SMOC2: variants seen among roughly 807,000 people sequenced by gnomAD.
SMOC2 encodes SPARC-related modular calcium-binding protein 2.
A neutral mutation model predicts 61.4 loss-of-function variants in SMOC2; 39 were observed. That is an observed-to-expected ratio of 0.64 (90% CI 0.49 to 0.83). SMOC2 has a LOEUF of 0.83. Ranked by LOEUF, SMOC2 falls within the 40% of genes least tolerant of loss-of-function variation. The pLI is 0.00. For synonymous variants in SMOC2, 247 were observed against 239.9 expected, an observed-to-expected ratio of 1.03 and a Z score of -0.27; for missense variants, 556 against 592.9, an observed-to-expected ratio of 0.94 and a Z score of 0.65.
chr6:168,636,892 A>ACCTCCCTCCTCCCT (rs1786745973), intron 9 of SMOC2, among the ~76,000 whole-genome samples: 1 of 23,620 alleles, frequency 4.2e-5, no homozygotes, highest in African/African-American at 2.4e-4. Flanking sequence ...CCCTCCTCCC[A>ACCTCCCTCCTCCCT]CCTCCCTCCT....
chr6:168,623,469 C>T (rs1786298847), intron 9 of SMOC2, among the ~76,000 whole-genome samples: 1 of 144,836 alleles, frequency 6.9e-6, no homozygotes, highest in Admixed American at 7.0e-5. Context: ...GGACTACACA[C>T]CACCCCACCT....
intron 9 of SMOC2, among the ~76,000 whole-genome samples, chr6:168,615,142 AG>A (rs10532187): frequency 4.6e-5 from 1 of 21,636 alleles, no homozygotes. Context: ...CAGCCAGCAC[AG>A]GGGGCCTCTT....
intron 7 of SMOC2, among the ~76,000 whole-genome samples, chr6:168,563,219 G>C (rs541030741): frequency 6.6e-6 from 1 of 152,210 alleles, no homozygotes; most frequent in African/African-American, 2.4e-5. Context: ...TCATTTTATG[G>C]CATTCCTGAG....
chr6:168,658,807 G>T (rs1787392414), intron 11 of SMOC2, among the ~76,000 whole-genome samples: 1 of 152,124 alleles, frequency 6.6e-6, no homozygotes, highest in Non-Finnish European at 1.5e-5. Flanking sequence ...CTGCTCCTAA[G>T]TCACCCTTCC....
At chr6:168,514,846 C>A (rs954941959) in intron 2 of SMOC2, among the ~76,000 whole-genome samples, 9 of 152,114 alleles carry the variant, frequency 5.9e-5, no homozygotes, top group Non-Finnish European at 1.3e-4. Flanking sequence ...TGAGGATGAG[C>A]ATGTGAGGGA....
chr6:168,595,185 G>A (rs74219865), intron 7 of SMOC2, among the ~76,000 whole-genome samples: 38 of 112,702 alleles, frequency 3.4e-4, no homozygotes, highest in East Asian at 1.0e-3. Flanking sequence ...CCTCCTTCCT[G>A]AGGCCTCACG....
At chr6:168,644,566 T>C (rs1786974951) in intron 9 of SMOC2, among the ~76,000 whole-genome samples, 1 of 151,730 alleles carries the variant, frequency 6.6e-6, no homozygotes, top group Non-Finnish European at 1.5e-5. Flanking sequence ...AACTACCTGG[T>C]ACCCAGAGCT....
chr6:168,446,171 T>G (rs1374464445), intron 1 of SMOC2, among the ~76,000 whole-genome samples: 1 of 152,372 alleles, frequency 6.6e-6, no homozygotes, highest in Admixed American at 6.5e-5. Flanking sequence ...AAGACCAGCC[T>G]GACCAACATG....
At chr6:168,549,499 A>G (rs976987409) in intron 7 of SMOC2, among the ~76,000 whole-genome samples, 2 of 152,240 alleles carry the variant, frequency 1.3e-5, no homozygotes, top group Admixed American at 6.5e-5. Context: ...ATTAAAAATC[A>G]TAAGGAATAG....
intron 1 of SMOC2, 88 bp downstream of exon 1, chr6:168,441,542 C>T (rs1377965253): frequency 3.7e-6 from 5 of 1,368,792 alleles, no homozygotes; most frequent in Non-Finnish European, 4.7e-6. Flanking sequence ...CGCTCCAGGC[C>T]CAGGCGCCTG....
chr6:168,461,070 A>G (rs761918815), intron 1 of SMOC2, among the ~76,000 whole-genome samples: 2 of 152,198 alleles, frequency 1.3e-5, no homozygotes, highest in Non-Finnish European at 2.9e-5. Flanking sequence ...AGTACTGGCA[A>G]TTTACAAAAG....
chr6:168,584,918 C>G (rs1436130829), intron 7 of SMOC2, among the ~76,000 whole-genome samples: 1 of 152,188 alleles, frequency 6.6e-6, no homozygotes, highest in Non-Finnish European at 1.5e-5. Context: ...TTGATGCCCC[C>G]TCACTCTTGG....
chr6:168,538,722 T>C (rs1294278499), intron 4 of SMOC2, among the ~76,000 whole-genome samples: 1 of 104,960 alleles, frequency 9.5e-6, no homozygotes, highest in East Asian at 3.0e-4. Flanking sequence ...GGGAGTGGGG[T>C]GACCGCTACT....
intron 7 of SMOC2, 128 bp downstream of exon 7, chr6:168,549,331 A>T (rs148357927): frequency 5.2e-5 from 39 of 753,842 alleles, no homozygotes; most frequent in African/African-American, 5.1e-4. Context: ...AGGGGTGCAG[A>T]CCTGGCACAA....
intron 7 of SMOC2, among the ~76,000 whole-genome samples, chr6:168,583,867 GGAGGAGGGCA>G (rs201113874): frequency 7.9e-5 from 12 of 152,144 alleles, no homozygotes; most frequent in South Asian, 2.1e-4. Context: ...ACTGAAGAAG[GGAGGAGGGCA>G]GAGGAGGGCA....
chr6:168,507,318 G>A (rs969638077), intron 1 of SMOC2, among the ~76,000 whole-genome samples: 1 of 152,094 alleles, frequency 6.6e-6, no homozygotes. Context: ...TAATAGGGCC[G>A]GCCCCTGTTT....
chr6:168,655,544 C>T (rs887088243), intron 11 of SMOC2: 2 of 397,876 alleles, frequency 5.0e-6, no homozygotes, highest in South Asian at 1.8e-5. Flanking sequence ...GATACTCCTG[C>T]ATGTGTGTGC....
chr6:168,467,608 C>T (rs1167772406), intron 1 of SMOC2, among the ~76,000 whole-genome samples: 1 of 152,036 alleles, frequency 6.6e-6, no homozygotes, highest in Non-Finnish European at 1.5e-5. Context: ...GCTTCTGGCC[C>T]AACCTGCTAA....
chr6:168,477,166 C>T (rs956448503), intron 1 of SMOC2, among the ~76,000 whole-genome samples: 2 of 152,180 alleles, frequency 1.3e-5, no homozygotes, highest in Non-Finnish European at 2.9e-5. Context: ...GGGCTCAGAT[C>T]CTGAAAGAAC....
Sources: allele counts gnomAD v4.1 joint callset (sites outside exome capture counted in the v4.1 genomes callset), GRCh38; gene constraint gnomAD v4.1.1; transcripts MANE v1.5; gene names NCBI Gene and HGNC (gene_info 2026-07-23, HGNC 2026-07-21).